The following SH3KBP1 variants were observed in gnomAD, a reference collection of about 807,000 sequenced individuals.
The protein encoded by SH3KBP1 is SH3 domain-containing kinase-binding protein 1.
Under a neutral mutation model 50.1 loss-of-function variants are expected in SH3KBP1, and 8 were observed. The observed-to-expected ratio is 0.16, with a 90% CI of 0.09 to 0.29. SH3KBP1 has a LOEUF of 0.29. Ranked by LOEUF, SH3KBP1 falls within the 10% of genes least tolerant of loss-of-function variation. The pLI is 1.00. For missense variants in SH3KBP1, 377 were observed against 535.2 expected (o/e 0.70, Z 2.92); for synonymous variants, 227 against 218.6 (o/e 1.04, Z -0.34).
At chrX:19,781,135 A>G (rs1197187268) in intron 2 of SH3KBP1, among the ~76,000 whole-genome samples, 1 of 111,536 alleles carries the variant, frequency 9.0e-6, no homozygotes, top group Non-Finnish European at 1.9e-5. Flanking sequence ...CTTTTGGGGA[A>G]GTGCTCATAA....
At chrX:19,732,811 A>G (rs183020823) in intron 3 of SH3KBP1, among the ~76,000 whole-genome samples, 16 of 112,218 alleles carry the variant, frequency 1.4e-4, no homozygotes, top group Admixed American at 5.7e-4. Flanking sequence ...CACAAGGGCT[A>G]TTGTAAAGAA....
At chrX:19,861,830 G>T (rs894065234) in intron 1 of SH3KBP1, among the ~76,000 whole-genome samples, 11 of 112,011 alleles carry the variant, frequency 9.8e-5, no homozygotes, top group African/African-American at 3.6e-4. Context: ...GAACTCTCTG[G>T]TGAACTGTTC....
intron 1 of SH3KBP1, among the ~76,000 whole-genome samples, chrX:19,850,716 T>G (rs753971709): frequency 1.4e-4 from 16 of 111,342 alleles, no homozygotes; most frequent in Non-Finnish European, 2.8e-4. Flanking sequence ...AGAAATCTGG[T>G]AGCTCACCTG....
chrX:19,850,187 AT>A (rs1050653910), intron 1 of SH3KBP1, among the ~76,000 whole-genome samples: 5 of 110,344 alleles, frequency 4.5e-5, no homozygotes, highest in African/African-American at 1.7e-4. Flanking sequence ...GGCATCTATA[AT>A]TTTTTTTTCT....
rs777591849 is a variant in SH3KBP1 at position 19,746,341 on chromosome X, G to A, written c.263C>T (p.Thr88Met). The A allele has an allele frequency of 1.2e-5, 15 of 1,210,125 alleles. No individual in the cohort carries two copies. Among genetic ancestry groups the A allele is most frequent in the East Asian group, 3.0e-5 (1 of 33,772 alleles). The stretch of plus-strand genomic sequence containing the variant: ...ACCTCTCTTATTGGTTCTTAAAATC[G>A]TTTCAGAAGACAGCAAAGAGTTTCC... ...PSGNSLLSSE[T>M]ILRTNKRGER... The change falls in exon 3 of 18, where the codon ACG becomes ATG. Residue 88 changes from threonine (T) to methionine (M), a missense_variant. Transcript: ENST00000397821.
intron 2 of SH3KBP1, among the ~76,000 whole-genome samples, chrX:19,755,199 C>T (rs1468537015): frequency 9.0e-6 from 1 of 110,706 alleles, no homozygotes; most frequent in Non-Finnish European, 1.9e-5. Flanking sequence ...GAAACCCTGC[C>T]TCTACTAAAG....
At chrX:19,718,992 C>T (rs548387895) in intron 3 of SH3KBP1, among the ~76,000 whole-genome samples, 2 of 111,712 alleles carry the variant, frequency 1.8e-5, no homozygotes, top group Admixed American at 9.5e-5. Context: ...GTCCATCTTC[C>T]GAGCTCGCCC....
intron 8 of SH3KBP1, among the ~76,000 whole-genome samples, chrX:19,628,940 T>C (rs926767450): frequency 5.5e-5 from 6 of 110,076 alleles, no homozygotes; most frequent in Admixed American, 1.9e-4. Context: ...CTACTAGAAA[T>C]ACAAAAATTA....
At chrX:19,727,898 T>A (rs748677877) in intron 3 of SH3KBP1, among the ~76,000 whole-genome samples, 1 of 111,389 alleles carries the variant, frequency 9.0e-6, no homozygotes, top group South Asian at 3.7e-4. Context: ...AGCAGGAGAA[T>A]CACTTGAACC....
In SH3KBP1 at chrX:19,858,109, G is replaced by A. The variant is rs946147084; in HGVS notation, c.5-21827C>T. On this transcript the variant is annotated intron_variant, in intron 1 of 17. Transcript: ENST00000397821. ...CAGGAGAATCACTTGAACCCAGGAG[G>A]CAGAGGTTGCAGTGAGCCAAGATTG... 3.6e-5 allele frequency among the ~76,000 whole-genome samples: 4 copies of A among 110,877 alleles called. No homozygotes were observed. In the Admixed American group the frequency reaches 3.8e-4, roughly 11 times the overall value.
In SH3KBP1 at chrX:19,746,440, T is replaced by A. The variant is rs2064921832; in HGVS notation, c.164A>T (p.Glu55Val). The A allele has an allele frequency of 8.3e-7, 1 of 1,201,494 alleles. No individual in the cohort carries two copies. The highest frequency in any genetic ancestry group is 1.1e-6 in the Non-Finnish European group (1 of 891,367). ...GTCTTTCTTCATCTCTTTCTTTATT[T>A]CCTGTGAGGACAGATAAAAGGAAAA... The part of the protein sequence containing the change: ...RGLFPDNFVR[E>V]IKKEMKKDPL... The change falls in exon 3 of 18, where the codon GAA becomes GTA. Residue 55 changes from glutamate to valine, a missense_variant and splice_region_variant. Physicochemically the swap from Glu to Val is moderately radical, Grantham distance 121. Around this residue, in one of 3 missense-constraint regions of SH3KBP1, gnomAD observed 257 missense variants for 374.2 expected, o/e 0.69. Transcript: ENST00000397821.
chrX:19,722,843 A>T (rs1358283827), intron 3 of SH3KBP1, among the ~76,000 whole-genome samples: 1 of 109,401 alleles, frequency 9.1e-6, no homozygotes, highest in Non-Finnish European at 1.9e-5. Flanking sequence ...AAGTCTAAAA[A>T]AAATGTCTCA....
intron 2 of SH3KBP1, among the ~76,000 whole-genome samples, chrX:19,821,678 G>A (rs1406513936): frequency 4.5e-5 from 5 of 110,205 alleles, no homozygotes; most frequent in East Asian, 2.9e-4. Flanking sequence ...ACAGGCGGCC[G>A]CCACTATGCC....
chrX:19,876,112 G>A (rs1240401846), intron 1 of SH3KBP1, among the ~76,000 whole-genome samples: 1 of 112,265 alleles, frequency 8.9e-6, no homozygotes, highest in African/African-American at 3.2e-5. Context: ...TAATCCTAGC[G>A]CTTTGGGAGG....
chrX:19,785,003 A>G lies in SH3KBP1; in HGVS notation c.163-38562T>C, dbSNP rs369235875. Among the ~76,000 whole-genome samples the G allele has an allele frequency of 3.3e-4, 37 of 111,069 alleles. No individual in the cohort carries two copies. The East Asian group carries it at 9.3e-3, about 28-fold the overall frequency. ...TTCAACTTCCTAATTATAAAGGTAT[A>G]GGTACATGCCTTGCCCAAAGTAACA... On this transcript the variant is annotated intron_variant, in intron 2 of 17. Transcript: ENST00000397821.
chrX:19,571,383 C>T lies in SH3KBP1; in HGVS notation c.1299-2195G>A, dbSNP rs767391660. Among the ~76,000 whole-genome samples, 14 of 111,923 alleles carry T rather than the reference C, an allele frequency of 1.3e-4. 1 individual carries two copies. Among genetic ancestry groups the T allele is most frequent in the Non-Finnish European group, 2.1e-4 (11 of 53,151 alleles). ...AGGTTTCCACAGCAGACTCCCTCTC[C>T]GTCCCCTGGCTACCCAAGCTTGGGC... is the stretch of plus-strand genomic sequence containing the variant. On this transcript the variant is annotated intron_variant, in intron 12 of 17. Coordinates refer to ENST00000397821, the MANE Select transcript of SH3KBP1 (RefSeq NM_031892.3).
At chrX:19,605,659 C>G (rs1157847517) in intron 9 of SH3KBP1, among the ~76,000 whole-genome samples, 1 of 111,790 alleles carries the variant, frequency 8.9e-6, no homozygotes, top group East Asian at 2.8e-4. Flanking sequence ...CTCCATGGCC[C>G]TAAACGCCAG....
At chrX:19,741,702 G>A (rs2064775393) in intron 3 of SH3KBP1, among the ~76,000 whole-genome samples, 1 of 111,654 alleles carries the variant, frequency 9.0e-6, no homozygotes, top group African/African-American at 3.3e-5. Flanking sequence ...TATAAGAAAC[G>A]TGCAGCACTT....
intron 3 of SH3KBP1, among the ~76,000 whole-genome samples, chrX:19,743,459 G>A (rs756036840): frequency 2.0e-4 from 21 of 107,342 alleles, no homozygotes; most frequent in Admixed American, 6.0e-4. Flanking sequence ...AAGAAAGAAA[G>A]AAAAAAAAAG....
Sources: gnomAD v4.1 joint callset for allele counts (sites outside exome capture counted in the v4.1 genomes callset) on GRCh38, gnomAD v4.1.1 for gene constraint, gnomAD v4.1.1 regional missense constraint, MANE v1.5 for transcripts, NCBI Gene and HGNC (gene_info 2026-07-23, HGNC 2026-07-21) for gene names.